Variants in KCNQ1 observed in about 807,000 individuals in gnomAD.
KCNQ1 encodes potassium voltage-gated channel subfamily Q member 1, also known as potassium voltage-gated channel subfamily KQT member 1.
Under a neutral mutation model 72.4 loss-of-function variants are expected in KCNQ1, and 49 were observed. The ratio of observed to expected loss-of-function variants is 0.68; its 90% CI spans 0.54 to 0.86. The LOEUF (loss-of-function observed/expected upper bound fraction) is 0.86, where lower values mean the gene tolerates loss of function less well. Among genes scored for constraint, KCNQ1 ranks in the 40% least tolerant of loss-of-function variants. The pLI, the probability that KCNQ1 is intolerant of heterozygous loss-of-function variation, is 0.00. For missense variants in KCNQ1, 790 were observed against 945.1 expected (o/e 0.84, Z 2.15); for synonymous variants, 450 against 412.6 (o/e 1.09, Z -1.10).
At chr11:2,519,116 G>A (rs766120686) in intron 1 of KCNQ1, among the ~76,000 whole-genome samples, 6 of 152,240 alleles carry the variant, frequency 3.9e-5, no homozygotes, top group Non-Finnish European at 8.8e-5. Context: ...GGGGGCAGCT[G>A]TTGCCGTTCT....
At position 2,663,399 on chromosome 11, in the gene KCNQ1, T is replaced by C; in HGVS notation, c.1514+1318T>C. ...CAGCACCAGAAGGCAGAATGATGGC[T>C]TACACTGTGGCCAAGGCCTGTACCA... On this transcript the variant is annotated intron_variant, in intron 11 of 15. Transcript: ENST00000155840. The surrounding 1 kb of genome is among the most constrained non-coding windows in gnomAD (Gnocchi z 5.2). The C allele has an allele frequency of 2.5e-6, 1 of 398,870 alleles. No homozygotes were observed. The highest frequency in any genetic ancestry group is 4.4e-6 in the Non-Finnish European group (1 of 226,268). 24.7% of individuals were successfully genotyped at this position (398,870 alleles called of 1,614,324 possible). A position where few individuals can be genotyped will look rare whatever the true frequency, so the allele number is the denominator to read the frequency against.
Position 2,528,028 on chromosome 11 carries a change from A to G in KCNQ1, c.477+10A>G. 1 of 1,603,926 alleles carries G rather than the reference A, an allele frequency of 6.2e-7. No homozygotes were observed. Among genetic ancestry groups the G allele is most frequent in the Admixed American group, 1.7e-5 (1 of 60,024 alleles). Reference sequence around the variant, plus strand: ...GACTCTCTTCTGGATGGTACGTAGCATCTGAGGGCATGGCTGGATGTCATG... The same window carrying G: ...GACTCTCTTCTGGATGGTACGTAGCGTCTGAGGGCATGGCTGGATGTCATG... On this transcript the variant is annotated intron_variant, in intron 2 of 15. Transcript: ENST00000155840.
rs965384154 is a variant in KCNQ1, at chr11:2,534,267, C to T, written c.477+6249C>T. ...CACTTGCTCAGGGCGCCCGCAGGCC[C>T]GCAGGTCCTCACCTGGTGTTTTTCA... On this transcript the variant is annotated intron_variant, in intron 2 of 15. Transcript: ENST00000155840. Among the ~76,000 whole-genome samples the T allele has an allele frequency of 4.6e-5, 7 of 152,258 alleles. No homozygotes were observed. In the South Asian group the frequency reaches 1.0e-3, roughly 22 times the overall value.
chr11:2,540,321 C>T (rs899746656), intron 2 of KCNQ1, among the ~76,000 whole-genome samples: 4 of 152,218 alleles, frequency 2.6e-5, no homozygotes, highest in African/African-American at 7.2e-5. Flanking sequence ...TGGCCGTGCA[C>T]CATTGAAGTG....
intron 11 of KCNQ1, among the ~76,000 whole-genome samples, chr11:2,700,859 C>T (rs781227666): frequency 6.6e-6 from 1 of 152,178 alleles, no homozygotes; most frequent in Non-Finnish European, 1.5e-5. Context: ...TGGCGCGCGC[C>T]TTCTGAATGC....
At chr11:2,572,231 G>T in intron 5 of KCNQ1, 122 bp downstream of exon 5, 1 of 711,604 alleles carries the variant, frequency 1.4e-6, no homozygotes, top group South Asian at 1.7e-5. Context: ...GTGCCTGGGC[G>T]CAGGGGTACC....
At chr11:2,461,073 C>G (rs549791227) in intron 1 of KCNQ1, among the ~76,000 whole-genome samples, 3 of 152,174 alleles carry the variant, frequency 2.0e-5, no homozygotes, top group Non-Finnish European at 4.4e-5. Context: ...AGCCAATGGC[C>G]GTGGCTGGGG....
At chr11:2,459,856 G>A (rs1039773037) in intron 1 of KCNQ1, among the ~76,000 whole-genome samples, 1 of 152,158 alleles carries the variant, frequency 6.6e-6, no homozygotes, top group Non-Finnish European at 1.5e-5. Context: ...CAAAACCTGC[G>A]GCTGGGTCAG....
Position 2,537,415 on chromosome 11 carries a change from A to C in KCNQ1, c.477+9397A>C, listed in dbSNP as rs763446586. ...TAGGGGCATTTAAACTTGCAGTCGA[A>C]TTAGTAACAATTTTATTTTTTGGGA... On this transcript the variant is annotated intron_variant, in intron 2 of 15. Coordinates refer to ENST00000155840, the MANE Select transcript of KCNQ1 (RefSeq NM_000218.3). This position sits in a 1 kb window ranked among gnomAD's most constrained non-coding sequence, Gnocchi z 5.2. Among the ~76,000 whole-genome samples the C allele has an allele frequency of 1.3e-5, 2 of 152,114 alleles. No homozygotes were observed. The highest frequency in any genetic ancestry group is 6.5e-5 in the Admixed American group (1 of 15,280).
intron 15 of KCNQ1, among the ~76,000 whole-genome samples, chr11:2,786,949 G>GTTTTTTTTTTTTTTTTTTTT (rs5789272): frequency 3.3e-5 from 4 of 120,332 alleles, no homozygotes; most frequent in African/African-American, 6.5e-5. Context: ...TTTCGTTTCT[G>GTTTTTTTTTTTTTTTTTTTT]TTTTTTTTTT....
intron 15 of KCNQ1, among the ~76,000 whole-genome samples, chr11:2,812,849 C>G (rs1465805481): frequency 6.6e-6 from 1 of 152,256 alleles, no homozygotes; most frequent in Non-Finnish European, 1.5e-5. Context: ...CTCAAGGCCT[C>G]TGTGCCTGTG....
intron 15 of KCNQ1, among the ~76,000 whole-genome samples, chr11:2,807,653 C>T (rs1014486231): frequency 2.6e-5 from 4 of 152,192 alleles, no homozygotes; most frequent in African/African-American, 7.2e-5. Flanking sequence ...CACAGGCGGG[C>T]GAGGGGCACC....
intron 12 of KCNQ1, among the ~76,000 whole-genome samples, chr11:2,773,111 C>G (rs932896652): frequency 2.9e-4 from 44 of 152,318 alleles, no homozygotes; most frequent in African/African-American, 1.0e-3. Flanking sequence ...TGCTCAGCAT[C>G]CCATCTTAGA....
In KCNQ1 at chr11:2,445,158, G is replaced by C; in HGVS notation, c.60G>C (p.Leu20=). 8.8e-7 allele frequency: 1 copy of C among 1,136,990 alleles called. No individual in the cohort carries two copies. Among genetic ancestry groups the C allele is most frequent in the Non-Finnish European group, 1.1e-6 (1 of 923,846 alleles). 70.4% of individuals were successfully genotyped at this position (1,136,990 alleles called of 1,614,324 possible). ...AERKRWGWGR[L]PGARRGSAGL... ...GGAAGCGCTGGGGTTGGGGCCGCCTGCCAGGCGCCCGGCGGGGCAGCGCGG... is the reference window on the plus strand; with the variant it reads ...GGAAGCGCTGGGGTTGGGGCCGCCTCCCAGGCGCCCGGCGGGGCAGCGCGG... The change falls in exon 1 of 16, where the codon CTG becomes CTC. Residue 20 remains leucine, a synonymous_variant. Transcript: ENST00000155840.
rs145534516 is a variant in KCNQ1 at position 2,462,418 on chromosome 11, C to T, written c.386+16934C>T. Among the ~76,000 whole-genome samples the T allele has an allele frequency of 3.3e-5, 5 of 152,158 alleles. No individual in the cohort carries two copies. Among genetic ancestry groups the T allele is most frequent in the East Asian group, 1.9e-4 (1 of 5,164 alleles). On this transcript the variant is annotated intron_variant, in intron 1 of 15. Transcript: ENST00000155840. The surrounding 1 kb of genome is among the most constrained non-coding windows in gnomAD (Gnocchi z 8.2). ...TTGACACCTGCCTGGGGGCTCCCGGCGAAGGCCGCTGGTTTCTAGAATGCA... is the reference window on the plus strand; with the variant it reads ...TTGACACCTGCCTGGGGGCTCCCGGTGAAGGCCGCTGGTTTCTAGAATGCA...
intron 11 of KCNQ1, among the ~76,000 whole-genome samples, chr11:2,740,436 G>A (rs1323677111): frequency 1.3e-5 from 2 of 152,222 alleles, no homozygotes; most frequent in Non-Finnish European, 2.9e-5. Flanking sequence ...TATGGAATGA[G>A]TGACAGATGG....
At chr11:2,708,365 G>A (rs1425020517) in intron 11 of KCNQ1, among the ~76,000 whole-genome samples, 2 of 152,214 alleles carry the variant, frequency 1.3e-5, no homozygotes, top group African/African-American at 2.4e-5. Context: ...ACTTAGGCAC[G>A]TGGTCCTGAG....
chr11:2,533,473 T>A (rs1847675373), intron 2 of KCNQ1, among the ~76,000 whole-genome samples: 1 of 152,238 alleles, frequency 6.6e-6, no homozygotes, highest in Non-Finnish European at 1.5e-5. Flanking sequence ...CAGAGGGGGC[T>A]GTGTGTGCAC....
At chr11:2,533,119 GA>G (rs1847669314) in intron 2 of KCNQ1, among the ~76,000 whole-genome samples, 2 of 152,190 alleles carry the variant, frequency 1.3e-5, no homozygotes, top group Admixed American at 6.5e-5. Context: ...AATGTTGGGG[GA>G]AAAAATGGAT....
Sources: allele counts gnomAD v4.1 joint callset (sites outside exome capture counted in the v4.1 genomes callset), GRCh38; gene constraint gnomAD v4.1.1; non-coding constraint Gnocchi (gnomAD v3.1); transcripts MANE v1.5; gene names NCBI Gene and HGNC (gene_info 2026-07-23, HGNC 2026-07-21).